SAMSN1: variants seen among roughly 807,000 people sequenced by gnomAD.
The protein encoded by SAMSN1 is SAM domain-containing protein SAMSN-1.
A neutral mutation model predicts 42.0 loss-of-function variants in SAMSN1; 31 were observed. The observed-to-expected ratio is 0.74, with a 90% CI of 0.55 to 1.00. The LOEUF (loss-of-function observed/expected upper bound fraction) is 1.00. Ranked by LOEUF, SAMSN1 falls within the 50% of genes least tolerant of loss-of-function variation. The probability of loss-of-function intolerance (pLI) is 0.00; values close to 1 mark genes in which losing one functional copy is unlikely to be tolerated. For synonymous variants in SAMSN1, 178 were observed against 151.9 expected (o/e 1.17, Z -1.26); for missense variants, 464 against 439.4 (o/e 1.06, Z -0.50).
intron 2 of SAMSN1, among the ~76,000 whole-genome samples, chr21:14,617,049 G>T (rs142763577): frequency 4.6e-5 from 7 of 152,170 alleles, no homozygotes; most frequent in African/African-American, 1.4e-4. Flanking sequence ...GCAGAACGTT[G>T]CTAAAACCCC....
Position 14,622,689 on chromosome 21 carries a change from A to G in SAMSN1, c.157-6673T>C, listed in dbSNP as rs142578956. Among the ~76,000 whole-genome samples the G allele has an allele frequency of 4.5e-3, 680 of 152,324 alleles. 6 individuals carry two copies. The highest frequency in any genetic ancestry group is 0.015 in the African/African-American group (644 of 41,574). ...GGGGAGAATGGAACCAAGTTGGAAA[A>G]CACTCTGCAGGATATTATCAAGGAG... is the stretch of plus-strand genomic sequence containing the variant. On this transcript the variant is annotated intron_variant, in intron 2 of 15. Transcript: ENST00000647101.
chr21:14,531,429 G>A (rs1434222321), intron 1 of SAMSN1, among the ~76,000 whole-genome samples: 3 of 151,598 alleles, frequency 2.0e-5, no homozygotes, highest in African/African-American at 7.3e-5. Flanking sequence ...AACATTATTA[G>A]CTAAGTTAAA....
At chr21:14,511,531 A>G (rs949145119) in intron 4 of SAMSN1, among the ~76,000 whole-genome samples, 1 of 152,250 alleles carries the variant, frequency 6.6e-6, no homozygotes, top group Admixed American at 6.5e-5. Flanking sequence ...TTCTACAGCC[A>G]ATAGGAAAAT....
At chr21:14,610,357 G>C (rs1272520135) in intron 4 of SAMSN1, among the ~76,000 whole-genome samples, 1 of 152,174 alleles carries the variant, frequency 6.6e-6, no homozygotes, top group Non-Finnish European at 1.5e-5. Context: ...CCCCAGGCTT[G>C]CTAGGATTAG....
At chr21:14,616,354 A>C (rs1199362560) in intron 2 of SAMSN1, among the ~76,000 whole-genome samples, 1 of 152,014 alleles carries the variant, frequency 6.6e-6, no homozygotes, top group Non-Finnish European at 1.5e-5. Flanking sequence ...ACATCCAATT[A>C]AATCCTCATT....
At chr21:14,540,003 T>C (rs1979903199) in intron 1 of SAMSN1, among the ~76,000 whole-genome samples, 1 of 152,138 alleles carries the variant, frequency 6.6e-6, no homozygotes, top group African/African-American at 2.4e-5. Context: ...TCTACAACTA[T>C]CTGATCTTTG....
chr21:14,558,926 C>T (rs996762755), intron 2 of SAMSN1, among the ~76,000 whole-genome samples: 16 of 152,146 alleles, frequency 1.1e-4, no homozygotes, highest in African/African-American at 3.9e-4. Flanking sequence ...TCCTTTTCTA[C>T]CGACTCAGCT....
intron 1 of SAMSN1, among the ~76,000 whole-genome samples, chr21:14,529,480 A>G (rs1347067383): frequency 6.6e-6 from 1 of 152,216 alleles, no homozygotes; most frequent in East Asian, 1.9e-4. Context: ...AATGACAATA[A>G]TTTGTTGATG....
intron 2 of SAMSN1, among the ~76,000 whole-genome samples, chr21:14,559,399 G>A (rs899535186): frequency 4.5e-4 from 68 of 152,294 alleles, no homozygotes; most frequent in African/African-American, 1.6e-3. Context: ...AACCAGCACA[G>A]CTTTGATCAC....
At chr21:14,555,270 A>C (rs1980728010) in intron 2 of SAMSN1, among the ~76,000 whole-genome samples, 1 of 152,096 alleles carries the variant, frequency 6.6e-6, no homozygotes, top group Non-Finnish European at 1.5e-5. Context: ...ATTAGTTGAC[A>C]TCCTTTCTAT....
intron 5 of SAMSN1, among the ~76,000 whole-genome samples, chr21:14,608,306 G>T (rs1982617162): frequency 6.6e-6 from 1 of 152,178 alleles, no homozygotes; most frequent in Non-Finnish European, 1.5e-5. Context: ...TTGTGCTTGG[G>T]GAAGGGAGAG....
At chr21:14,576,742 C>T (rs143024100) in intron 2 of SAMSN1, among the ~76,000 whole-genome samples, 1 of 152,118 alleles carries the variant, frequency 6.6e-6, no homozygotes, top group Non-Finnish European at 1.5e-5. Flanking sequence ...CCTTTAAGTA[C>T]AGCTTTGTTT....
chr21:14,541,396 G>A (rs1344438070), intron 1 of SAMSN1, among the ~76,000 whole-genome samples: 1 of 152,044 alleles, frequency 6.6e-6, no homozygotes, highest in Non-Finnish European at 1.5e-5. Context: ...TAGACCAAGG[G>A]TGTATTACCC....
chr21:14,629,039 G>T (rs549699301), intron 2 of SAMSN1, among the ~76,000 whole-genome samples: 1 of 152,208 alleles, frequency 6.6e-6, no homozygotes, highest in East Asian at 1.9e-4. Flanking sequence ...ACTACTACCT[G>T]ATACTACTTC....
At chr21:14,503,330 A>G (rs1411464244) in intron 5 of SAMSN1, among the ~76,000 whole-genome samples, 1 of 152,128 alleles carries the variant, frequency 6.6e-6, no homozygotes, top group Non-Finnish European at 1.5e-5. Flanking sequence ...GGTGGAATCT[A>G]GAGGCTTAGA....
At chr21:14,634,088 C>T (rs971277272) in intron 2 of SAMSN1, among the ~76,000 whole-genome samples, 7 of 151,624 alleles carry the variant, frequency 4.6e-5, no homozygotes, top group African/African-American at 1.7e-4. Context: ...ACAAACGGTG[C>T]TGGGAAAACT....
In SAMSN1 at chr21:14,500,653, T is replaced by C; in HGVS notation, c.644A>G (p.Lys215Arg). Reference sequence around the variant, plus strand: ...TGAGATGACATCCACATAAATGAATTTGAAGTTTCCCACTTTATTGTTCAA... The same window carrying C: ...TGAGATGACATCCACATAAATGAATCTGAAGTTTCCCACTTTATTGTTCAA... The part of the protein sequence containing the change: ...GMLNNKVGNF[K>R]FIYVDVISEE... Residue 215 changes from lysine to arginine, a missense_variant, in exon 6 of 8, where the codon AAA becomes AGA. Physicochemically the swap from Lys to Arg is conservative, Grantham distance 26. Coordinates refer to ENST00000400566, the MANE Select transcript of SAMSN1 (RefSeq NM_022136.5). 1 of 1,614,168 alleles carries C rather than the reference T, an allele frequency of 6.2e-7. No homozygotes were observed. The highest frequency in any genetic ancestry group is 8.5e-7 in the Non-Finnish European group (1 of 1,179,990).
chr21:14,535,036 C>T (rs913720035), intron 1 of SAMSN1, among the ~76,000 whole-genome samples: 11 of 152,074 alleles, frequency 7.2e-5, no homozygotes, highest in African/African-American at 2.7e-4. Flanking sequence ...GCATTTTAGG[C>T]TAAGAGAAGC....
intron 2 of SAMSN1, among the ~76,000 whole-genome samples, chr21:14,632,587 A>G (rs1256229505): frequency 1.3e-5 from 2 of 152,196 alleles, no homozygotes; most frequent in African/African-American, 4.8e-5. Flanking sequence ...TTTATTGTGC[A>G]ACAGTAAATT....
Sources: gnomAD v4.1 joint callset for allele counts (sites outside exome capture counted in the v4.1 genomes callset) on GRCh38, gnomAD v4.1.1 for gene constraint, MANE v1.5 for transcripts, NCBI Gene and HGNC (gene_info 2026-07-23, HGNC 2026-07-21) for gene names.